The following ROBO2 variants were observed in gnomAD, a reference collection of about 807,000 sequenced individuals.
ROBO2 encodes roundabout guidance receptor 2.
A neutral mutation model predicts 160.8 loss-of-function variants in ROBO2; 53 were observed. That is an observed-to-expected ratio of 0.33 (90% CI 0.26 to 0.41). The LOEUF (loss-of-function observed/expected upper bound fraction) is 0.41, where lower values mean the gene tolerates loss of function less well. Among genes scored for constraint, ROBO2 ranks in the 10% least tolerant of loss-of-function variants. The pLI is 1.00. For missense variants in ROBO2, 1,577 were observed against 1,722.4 expected, an observed-to-expected ratio of 0.92 and a Z score of 1.49; for synonymous variants, 664 against 611.7, an observed-to-expected ratio of 1.09 and a Z score of -1.26.
At chr3:76,850,551 A>C (rs1273400137) in intron 2 of ROBO2, among the ~76,000 whole-genome samples, 6 of 152,118 alleles carry the variant, frequency 3.9e-5, no homozygotes, top group African/African-American at 1.4e-4. Context: ...AACTGTATCT[A>C]AGTATTTTCC....
At chr3:76,448,536 C>T (rs1051842577) in intron 2 of ROBO2, among the ~76,000 whole-genome samples, 31 of 152,244 alleles carry the variant, frequency 2.0e-4, no homozygotes, top group Admixed American at 5.2e-4. Context: ...AGGTTGTTAT[C>T]GACCCAAGAC....
intron 2 of ROBO2, among the ~76,000 whole-genome samples, chr3:76,834,066 C>CTTTCT: frequency 4.0e-5 from 3 of 74,708 alleles, no homozygotes; most frequent in African/African-American, 1.6e-4. Flanking sequence ...TCTTTCTTTT[C>CTTTCT]TTTCTTTCTT....
At chr3:77,615,735 T>G (rs2094759350) in intron 21 of ROBO2, among the ~76,000 whole-genome samples, 1 of 152,202 alleles carries the variant, frequency 6.6e-6, no homozygotes, top group Non-Finnish European at 1.5e-5. Context: ...TCCATCTACC[T>G]ACTGGGAGAC....
chr3:76,389,172 C>T (rs973996323), intron 2 of ROBO2, among the ~76,000 whole-genome samples: 1 of 152,186 alleles, frequency 6.6e-6, no homozygotes, highest in Non-Finnish European at 1.5e-5. Flanking sequence ...GCATAATATG[C>T]ATTGTAAACT....
At chr3:76,809,283 T>A (rs753960671) in intron 2 of ROBO2, among the ~76,000 whole-genome samples, 1 of 152,074 alleles carries the variant, frequency 6.6e-6, no homozygotes, top group Non-Finnish European at 1.5e-5. Context: ...ATTCATATCA[T>A]TATGGTTATA....
intron 2 of ROBO2, among the ~76,000 whole-genome samples, chr3:77,422,878 C>T (rs2077839150): frequency 6.6e-6 from 1 of 152,164 alleles, no homozygotes; most frequent in African/African-American, 2.4e-5. Flanking sequence ...AAACACTTTA[C>T]TCACTTTTAG....
intron 2 of ROBO2, among the ~76,000 whole-genome samples, chr3:76,456,210 G>T (rs899754127): frequency 1.3e-5 from 2 of 152,150 alleles, no homozygotes; most frequent in African/African-American, 4.8e-5. Flanking sequence ...CTATTAATCT[G>T]TTGCTGGATG....
chr3:77,277,183 TC>T (rs2059916973), intron 2 of ROBO2, among the ~76,000 whole-genome samples: 1 of 127,782 alleles, frequency 7.8e-6, no homozygotes, highest in African/African-American at 2.9e-5. Context: ...TTTCTTTCTT[TC>T]TTTCTTTCTT....
At chr3:75,928,250 C>T (rs1947371087) in intron 1 of ROBO2, among the ~76,000 whole-genome samples, 2 of 152,174 alleles carry the variant, frequency 1.3e-5, no homozygotes, top group Non-Finnish European at 2.9e-5. Flanking sequence ...TCCCAAAGTG[C>T]TGGGATTACA....
At chr3:77,411,292 G>T (rs1437129956) in intron 2 of ROBO2, among the ~76,000 whole-genome samples, 2 of 152,136 alleles carry the variant, frequency 1.3e-5, no homozygotes, top group African/African-American at 2.4e-5. Context: ...ATAAATTAAT[G>T]AAACCTTTAT....
intron 2 of ROBO2, among the ~76,000 whole-genome samples, chr3:76,690,865 A>G (rs2092786877): frequency 6.6e-6 from 1 of 152,044 alleles, no homozygotes; most frequent in South Asian, 2.1e-4. Context: ...GGCATGTGCT[A>G]TGCATGTGCC....
At chr3:77,556,440 A>G (rs1559605454) in intron 8 of ROBO2, among the ~76,000 whole-genome samples, 1 of 151,892 alleles carries the variant, frequency 6.6e-6, no homozygotes, top group Non-Finnish European at 1.5e-5. Flanking sequence ...TAGGTTGACT[A>G]GAATCTGCAA....
At chr3:76,883,430 T>C (rs986071225) in intron 2 of ROBO2, among the ~76,000 whole-genome samples, 1 of 152,156 alleles carries the variant, frequency 6.6e-6, no homozygotes, top group Admixed American at 6.6e-5. Flanking sequence ...CCCTATAATA[T>C]GCTATAAAAA....
At chr3:76,821,725 A>T (rs997557902) in intron 2 of ROBO2, among the ~76,000 whole-genome samples, 6 of 152,046 alleles carry the variant, frequency 3.9e-5, no homozygotes, top group Non-Finnish European at 8.8e-5. Context: ...TGATTCCAGA[A>T]TTATCATAAA....
intron 2 of ROBO2, among the ~76,000 whole-genome samples, chr3:76,196,403 G>A (rs952930964): frequency 3.9e-5 from 6 of 152,102 alleles, no homozygotes; most frequent in African/African-American, 1.4e-4. Context: ...TTTACTGGGG[G>A]AGAGAGAAAC....
At chr3:76,414,756 T>A (rs1221213170) in intron 2 of ROBO2, among the ~76,000 whole-genome samples, 1 of 135,134 alleles carries the variant, frequency 7.4e-6, no homozygotes, top group African/African-American at 3.4e-5. Context: ...CCCTAAAACT[T>A]AAAGTATAAT....
At chr3:76,045,789 G>A (rs1478269276) in intron 2 of ROBO2, among the ~76,000 whole-genome samples, 2 of 151,994 alleles carry the variant, frequency 1.3e-5, no homozygotes, top group Non-Finnish European at 2.9e-5. Flanking sequence ...GCACTCTGTA[G>A]CTGGTGGTGG....
intron 2 of ROBO2, among the ~76,000 whole-genome samples, chr3:76,917,240 G>A (rs150814944): frequency 2.0e-5 from 3 of 152,270 alleles, no homozygotes; most frequent in African/African-American, 7.2e-5. Flanking sequence ...GTAGTCTGTT[G>A]CTTATTATGC....
intron 2 of ROBO2, among the ~76,000 whole-genome samples, chr3:77,172,968 A>G (rs898578796): frequency 6.6e-6 from 1 of 152,204 alleles, no homozygotes; most frequent in Non-Finnish European, 1.5e-5. Flanking sequence ...AACATTTGCA[A>G]GGCAAATAAT....
Sources: gnomAD v4.1 joint callset for allele counts (sites outside exome capture counted in the v4.1 genomes callset) on GRCh38, gnomAD v4.1.1 for gene constraint, MANE v1.5 for transcripts, NCBI Gene and HGNC (gene_info 2026-07-23, HGNC 2026-07-21) for gene names.